GRIK1: variants seen among roughly 807,000 people sequenced by gnomAD.
The protein encoded by GRIK1 is glutamate ionotropic receptor kainate type subunit 1, also known as glutamate receptor ionotropic, kainate 1.
In GRIK1, 69 loss-of-function variants were observed where a neutral mutation model predicts 105.7. That is an observed-to-expected ratio of 0.65 (90% CI 0.54 to 0.80). The LOEUF (loss-of-function observed/expected upper bound fraction) is 0.80. Among genes scored for constraint, GRIK1 ranks in the 30% least tolerant of loss-of-function variants. The pLI, the probability that GRIK1 is intolerant of heterozygous loss-of-function variation, is 0.00. For synonymous variants in GRIK1, 438 were observed against 431.3 expected, an observed-to-expected ratio of 1.02 and a Z score of -0.19; for missense variants, 1,109 against 1,167.3, an observed-to-expected ratio of 0.95 and a Z score of 0.73.
intron 1 of GRIK1, among the ~76,000 whole-genome samples, chr21:29,866,092 G>A (rs984784934): frequency 6.6e-6 from 1 of 151,860 alleles, no homozygotes; most frequent in Non-Finnish European, 1.5e-5. Context: ...TTTAAGATAG[G>A]GTCTCCTTCT....
chr21:29,646,477 T>C (rs1385589376), intron 6 of GRIK1, among the ~76,000 whole-genome samples: 1 of 152,200 alleles, frequency 6.6e-6, no homozygotes, highest in Non-Finnish European at 1.5e-5. Context: ...ATTGTGAGTA[T>C]AACAGCTTTT....
chr21:29,894,541 G>T (rs371758889), intron 1 of GRIK1, among the ~76,000 whole-genome samples: 9 of 152,078 alleles, frequency 5.9e-5, no homozygotes, highest in African/African-American at 9.7e-5. Context: ...CACCCAGACC[G>T]AGGATAGGTC....
At chr21:29,805,308 C>T (rs2145870572) in intron 1 of GRIK1, among the ~76,000 whole-genome samples, 1 of 152,204 alleles carries the variant, frequency 6.6e-6, no homozygotes, top group South Asian at 2.1e-4. Flanking sequence ...CTATGGGTAA[C>T]AGGTTCAGCA....
intron 1 of GRIK1, among the ~76,000 whole-genome samples, chr21:29,709,786 A>G (rs1406723346): frequency 6.6e-6 from 1 of 151,506 alleles, no homozygotes; most frequent in Non-Finnish European, 1.5e-5. Context: ...ACTTGATTTT[A>G]TGTGTGTGTC....
At position 29,843,415 on chromosome 21, in the gene GRIK1, T is replaced by C. The variant is rs1163854833; in HGVS notation, c.118+95968A>G. Among the ~76,000 whole-genome samples, 6 of 152,228 alleles carry C rather than the reference T, an allele frequency of 3.9e-5. No individual in the cohort carries two copies. The East Asian group carries it at 1.2e-3, about 29-fold the overall frequency. ...CAAAAAGTAGAGCTAACATCTGATCTACAACGAAGAGCAAATGGATGTTTT... is the reference window on the plus strand; with the variant it reads ...CAAAAAGTAGAGCTAACATCTGATCCACAACGAAGAGCAAATGGATGTTTT... On this transcript the variant is annotated intron_variant, in intron 1 of 17. Transcript: ENST00000327783.
intron 7 of GRIK1, among the ~76,000 whole-genome samples, chr21:29,608,605 A>G (rs2061668970): frequency 6.6e-6 from 1 of 152,150 alleles, no homozygotes; most frequent in Non-Finnish European, 1.5e-5. Flanking sequence ...AAGAAGATAA[A>G]TTATCACTTA....
intron 6 of GRIK1, among the ~76,000 whole-genome samples, chr21:29,649,323 T>A (rs1481715150): frequency 1.3e-5 from 2 of 152,214 alleles, no homozygotes; most frequent in Non-Finnish European, 2.9e-5. Context: ...ATAGTTACTC[T>A]ACCCACTTTT....
intron 14 of GRIK1, among the ~76,000 whole-genome samples, chr21:29,563,628 G>A (rs1402110761): frequency 6.6e-6 from 1 of 152,182 alleles, no homozygotes; most frequent in Non-Finnish European, 1.5e-5. Flanking sequence ...TAAACTTATA[G>A]TAAAAGAGCT....
chr21:29,739,602 T>C (rs914604507), intron 1 of GRIK1, among the ~76,000 whole-genome samples: 1 of 152,232 alleles, frequency 6.6e-6, no homozygotes, highest in African/African-American at 2.4e-5. Flanking sequence ...ATTCATTTTA[T>C]ATGGTACAAA....
intron 1 of GRIK1, among the ~76,000 whole-genome samples, chr21:29,927,234 T>A (rs1178761893): frequency 1.3e-5 from 2 of 151,940 alleles, no homozygotes; most frequent in Non-Finnish European, 2.9e-5. Flanking sequence ...TGGAATCTTA[T>A]TATATAAATA....
chr21:29,622,539 G>A lies in GRIK1; in HGVS notation c.1098+20287C>T, dbSNP rs74903115. ...TATCCCTGGTCTACAAGAGCCTGCTGGTTCTGAGATGCCAGGGAGATCCTG... is the reference window on the plus strand; with the variant it reads ...TATCCCTGGTCTACAAGAGCCTGCTAGTTCTGAGATGCCAGGGAGATCCTG... On this transcript the variant is annotated intron_variant, in intron 7 of 17. Coordinates refer to ENST00000327783, the MANE Select transcript of GRIK1 (RefSeq NM_001330994.2). Among the ~76,000 whole-genome samples the A allele has an allele frequency of 2.6e-5, 4 of 152,284 alleles. No individual in the cohort carries two copies. In the East Asian group the frequency reaches 7.7e-4, roughly 29 times the overall value.
intron 1 of GRIK1, among the ~76,000 whole-genome samples, chr21:29,695,476 C>CTATCTATA (rs201600727): frequency 0.043 from 6,046 of 139,890 alleles, 145 homozygotes; most frequent in East Asian, 0.058. Flanking sequence ...ATCTATCTAT[C>CTATCTATA]TATATATATA....
intron 14 of GRIK1, among the ~76,000 whole-genome samples, chr21:29,567,457 T>C (rs919995155): frequency 6.6e-6 from 1 of 152,208 alleles, no homozygotes; most frequent in Non-Finnish European, 1.5e-5. Context: ...CTAATATGGC[T>C]GATGATTTTA....
chr21:29,537,529 C>T (rs192979876), intron 17 of GRIK1, 144 bp from the exon 18 acceptor site: 1 of 690,310 alleles, frequency 1.4e-6, no homozygotes, highest in African/African-American at 1.8e-5. Flanking sequence ...ATCACCTCCT[C>T]CTCCACCCGC....
chr21:29,648,370 A>G (rs2062659461), intron 6 of GRIK1, among the ~76,000 whole-genome samples: 1 of 152,192 alleles, frequency 6.6e-6, no homozygotes. Context: ...TATTATTTTA[A>G]AGTAATCTCT....
At chr21:29,678,999 T>C (rs2063324592) in intron 3 of GRIK1, among the ~76,000 whole-genome samples, 2 of 152,234 alleles carry the variant, frequency 1.3e-5, no homozygotes, top group Admixed American at 1.3e-4. Flanking sequence ...ATAGAGTTTT[T>C]AAAAACTAAG....
chr21:29,885,385 CAGAT>C (rs891580432), intron 1 of GRIK1, among the ~76,000 whole-genome samples: 26 of 152,156 alleles, frequency 1.7e-4, no homozygotes, highest in African/African-American at 6.0e-4. Flanking sequence ...CAGTGGGACT[CAGAT>C]GGATGGAATT....
In GRIK1 at chr21:29,868,771, G is replaced by T. The variant is rs2068912396; in HGVS notation, c.118+70612C>A. Among the ~76,000 whole-genome samples the T allele has an allele frequency of 4.0e-5, 6 of 151,682 alleles. No homozygotes were observed. The South Asian group carries it at 1.2e-3, about 32-fold the overall frequency. ...ATGCATTGCTTCTTTTGCTATCATT[G>T]TCAGGAAACAGCTTTGAAAAGGTTT... is the stretch of plus-strand genomic sequence containing the variant. On this transcript the variant is annotated intron_variant, in intron 1 of 17. Transcript: ENST00000327783.
chr21:29,666,256 A>G (rs2063057178), intron 4 of GRIK1, among the ~76,000 whole-genome samples: 2 of 152,158 alleles, frequency 1.3e-5, no homozygotes, highest in Non-Finnish European at 2.9e-5. Context: ...ATACAACATT[A>G]GCTGGGCGTT....
Sources: allele counts gnomAD v4.1 joint callset (sites outside exome capture counted in the v4.1 genomes callset), GRCh38; gene constraint gnomAD v4.1.1; transcripts MANE v1.5; gene names NCBI Gene and HGNC (gene_info 2026-07-23, HGNC 2026-07-21).